The following ETV6 variants were observed in gnomAD, a reference collection of about 807,000 sequenced individuals.
ETV6 encodes ETS variant transcription factor 6.
A neutral mutation model predicts 51.1 loss-of-function variants in ETV6; 16 were observed. That is an observed-to-expected ratio of 0.31 (90% CI 0.21 to 0.48). The LOEUF is 0.48. Ranked by LOEUF, ETV6 falls within the 20% of genes least tolerant of loss-of-function variation. The pLI is 0.99. For missense variants in ETV6, 458 were observed against 594.8 expected (o/e 0.77, Z 2.39); for synonymous variants, 240 against 224.1 (o/e 1.07, Z -0.64).
chr12:11,683,703 A>T (rs977092504), intron 1 of ETV6, among the ~76,000 whole-genome samples: 3 of 152,244 alleles, frequency 2.0e-5, no homozygotes, highest in African/African-American at 7.2e-5. Context: ...CAAGGAACTG[A>T]GAGCAAACTT....
chr12:11,871,553 A>C (rs905357542), intron 5 of ETV6, among the ~76,000 whole-genome samples: 3 of 152,180 alleles, frequency 2.0e-5, no homozygotes, highest in African/African-American at 4.8e-5. Flanking sequence ...CAAGTGCACC[A>C]CCAGTGTTGT....
intron 1 of ETV6, among the ~76,000 whole-genome samples, chr12:11,730,482 A>T (rs112226204): frequency 0.019 from 2,903 of 152,340 alleles, 32 homozygotes; most frequent in Non-Finnish European, 0.026. Flanking sequence ...GAGAGCTCCA[A>T]GGAAGCCTGT....
chr12:11,797,217 C>G (rs545739608), intron 2 of ETV6, among the ~76,000 whole-genome samples: 1 of 152,074 alleles, frequency 6.6e-6, no homozygotes, highest in South Asian at 2.1e-4. Context: ...GACAGTGTAC[C>G]TAGCAATAGT....
At chr12:11,800,944 A>G (rs186888436) in intron 2 of ETV6, among the ~76,000 whole-genome samples, 1 of 152,340 alleles carries the variant, frequency 6.6e-6, no homozygotes, top group Admixed American at 6.5e-5. Context: ...AAGCAAGAAT[A>G]GTTTGCAGCA....
intron 2 of ETV6, among the ~76,000 whole-genome samples, chr12:11,832,500 T>C (rs1946259549): frequency 6.6e-6 from 1 of 152,224 alleles, no homozygotes; most frequent in South Asian, 2.1e-4. Flanking sequence ...TAGGAACTGT[T>C]GGTAACCTGA....
At position 11,733,072 on chromosome 12, in the gene ETV6, A is replaced by G. The variant is rs374940083; in HGVS notation, c.34-19378A>G. 4.6e-5 allele frequency among the ~76,000 whole-genome samples: 7 copies of G among 152,326 alleles called. No homozygotes were observed. The South Asian group carries it at 1.4e-3, about 32-fold the overall frequency. ...CATTGATGAAATAGAAACATACAGT[A>G]TCTTATGTGTCTGGCACATGGAAGG... On this transcript the variant is annotated intron_variant, in intron 1 of 7. Coordinates refer to ENST00000396373, the MANE Select transcript of ETV6 (RefSeq NM_001987.5).
intron 1 of ETV6, 41 bp from the exon 2 acceptor site, chr12:11,752,409 T>C: frequency 6.3e-7 from 1 of 1,584,242 alleles, no homozygotes; most frequent in Non-Finnish European, 8.6e-7. Flanking sequence ...GCTTTCATTG[T>C]CTCTCTCCCC....
chr12:11,733,333 G>A (rs1006733192), intron 1 of ETV6, among the ~76,000 whole-genome samples: 4 of 151,066 alleles, frequency 2.6e-5, no homozygotes, highest in Non-Finnish European at 5.9e-5. Flanking sequence ...GCGTGAATCC[G>A]GGAGGCAGAG....
chr12:11,778,900 G>A (rs561686554), intron 2 of ETV6, among the ~76,000 whole-genome samples: 19 of 152,308 alleles, frequency 1.2e-4, no homozygotes, highest in Admixed American at 1.0e-3. Flanking sequence ...CAGCCCTAGG[G>A]CTGCCCCCTT....
chr12:11,716,223 C>T (rs534209474), intron 1 of ETV6, among the ~76,000 whole-genome samples: 6 of 145,688 alleles, frequency 4.1e-5, no homozygotes, highest in Non-Finnish European at 6.0e-5. Flanking sequence ...CCCAGCTACT[C>T]GGGAGGCTGA....
At chr12:11,832,145 T>A (rs1157649088) in intron 2 of ETV6, among the ~76,000 whole-genome samples, 2 of 152,116 alleles carry the variant, frequency 1.3e-5, no homozygotes, top group African/African-American at 4.8e-5. Context: ...AAGAAAACAA[T>A]AAATGTGGGC....
intron 1 of ETV6, among the ~76,000 whole-genome samples, chr12:11,676,657 A>G (rs779910054): frequency 2.6e-5 from 4 of 152,104 alleles, no homozygotes; most frequent in Non-Finnish European, 5.9e-5. Flanking sequence ...TGTCCCTCAT[A>G]TGTGCCCTCA....
intron 1 of ETV6, among the ~76,000 whole-genome samples, chr12:11,683,628 G>GA (rs1403368806): frequency 6.6e-6 from 1 of 152,140 alleles, no homozygotes; most frequent in African/African-American, 2.4e-5. Flanking sequence ...ATGGAAGGAG[G>GA]AAAGGGGGCA....
intron 4 of ETV6, among the ~76,000 whole-genome samples, chr12:11,859,141 T>C (rs1407843319): frequency 0.012 from 1,333 of 107,328 alleles, 149 homozygotes; most frequent in African/African-American, 0.05. Flanking sequence ...TTTTTTTTTT[T>C]TTTTTTTTTT....
intron 2 of ETV6, among the ~76,000 whole-genome samples, chr12:11,813,744 A>C (rs1428502916): frequency 1.3e-5 from 2 of 152,212 alleles, no homozygotes. Context: ...TGTGATATGC[A>C]CTTGCAGAGT....
At chr12:11,740,721 GA>G (rs1865792012) in intron 1 of ETV6, among the ~76,000 whole-genome samples, 1 of 152,138 alleles carries the variant, frequency 6.6e-6, no homozygotes, top group Non-Finnish European at 1.5e-5. Context: ...ATTAAGGAAG[GA>G]GTAAATAAAT....
At chr12:11,721,610 A>T (rs756406721) in intron 1 of ETV6, among the ~76,000 whole-genome samples, 7 of 152,190 alleles carry the variant, frequency 4.6e-5, no homozygotes, top group Non-Finnish European at 1.0e-4. Flanking sequence ...TGAGTCAGAA[A>T]CTACCTCTTG....
chr12:11,739,863 C>T (rs1481683622), intron 1 of ETV6, among the ~76,000 whole-genome samples: 1 of 152,178 alleles, frequency 6.6e-6, no homozygotes, highest in Non-Finnish European at 1.5e-5. Flanking sequence ...CAGTGCCTTA[C>T]GGGATCCATC....
intron 1 of ETV6, among the ~76,000 whole-genome samples, chr12:11,714,660 A>G (rs1865240036): frequency 6.6e-6 from 1 of 151,606 alleles, no homozygotes; most frequent in Non-Finnish European, 1.5e-5. Context: ...AAAAAAAAAA[A>G]AAAAAAAAAA....
Sources: allele counts gnomAD v4.1 joint callset (sites outside exome capture counted in the v4.1 genomes callset), GRCh38; gene constraint gnomAD v4.1.1; transcripts MANE v1.5; gene names NCBI Gene and HGNC (gene_info 2026-07-23, HGNC 2026-07-21).